Variants in TMEM161A observed in about 807,000 individuals in gnomAD.
TMEM161A encodes the protein transmembrane protein 161A.
Under a neutral mutation model 57.1 loss-of-function variants are expected in TMEM161A, and 46 were observed. The observed-to-expected ratio is 0.81, with a 90% confidence interval of 0.64 to 1.03. The LOEUF (loss-of-function observed/expected upper bound fraction) is 1.03, where lower values mean the gene tolerates loss of function less well. Ranked by LOEUF, TMEM161A falls within the 50% of genes least tolerant of loss-of-function variation. The probability of loss-of-function intolerance (pLI) is 0.00; values close to 1 mark genes in which losing one functional copy is unlikely to be tolerated. For synonymous variants in TMEM161A, 288 were observed against 279.0 expected (o/e 1.03, Z -0.32); for missense variants, 601 against 621.5 (o/e 0.97, Z 0.35).
chr19:19,125,796 A>G lies in TMEM161A; in HGVS notation c.596-3977T>C, dbSNP rs1416965059. 3.3e-5 allele frequency among the ~76,000 whole-genome samples: 5 copies of G among 149,746 alleles called. No homozygotes were observed. In the East Asian group the frequency reaches 6.3e-4, roughly 19 times the overall value. ...CTCCCAAAGTGCTGGGATTACAGGCATGAGCCACCACCCCTGGCCAGTCAT... is the reference window on the plus strand; with the variant it reads ...CTCCCAAAGTGCTGGGATTACAGGCGTGAGCCACCACCCCTGGCCAGTCAT... On this transcript the variant is annotated intron_variant, in intron 6 of 11. Coordinates refer to ENST00000162044, the MANE Select transcript of TMEM161A (RefSeq NM_017814.3).
intron 6 of TMEM161A, among the ~76,000 whole-genome samples, chr19:19,129,260 T>C (rs1698334852): frequency 6.6e-6 from 1 of 152,250 alleles, no homozygotes. Flanking sequence ...ATAATTGACA[T>C]ACACATCTTC....
At chr19:19,137,608 T>A (rs1037232422) in intron 1 of TMEM161A, among the ~76,000 whole-genome samples, 3 of 152,220 alleles carry the variant, frequency 2.0e-5, no homozygotes, top group African/African-American at 7.2e-5. Context: ...CTTCATCTCC[T>A]ACGGCGTCCT....
chr19:19,120,731 G>T, intron 11 of TMEM161A, 34 bp downstream of exon 11: 1 of 1,462,508 alleles, frequency 6.8e-7, no homozygotes. Context: ...TTCCAACTCC[G>T]CCCCTCCTCC....
At chr19:19,133,464 T>G in intron 2 of TMEM161A, 1 of 451,092 alleles carries the variant, frequency 2.2e-6, no homozygotes, top group Non-Finnish European at 3.9e-6. Context: ...GTGTGCAACT[T>G]TTCTTTTCTT....
chr19:19,132,340 G>A lies in TMEM161A; in HGVS notation c.443+12C>T. ...ACCCGCCCCACTGGCAGGGAGCAGA[G>A]AGGAAGGATACATGGAGAAGGTCAC... On this transcript the variant is annotated intron_variant, in intron 5 of 11. Transcript: ENST00000162044. The surrounding 1 kb of genome is among the most constrained non-coding windows in gnomAD (Gnocchi z 4.3). 1.2e-6 allele frequency: 2 copies of A among 1,608,930 alleles called. No homozygotes were observed. Among genetic ancestry groups the A allele is most frequent in the Non-Finnish European group, 1.7e-6 (2 of 1,177,106 alleles).
chr19:19,136,257 A>G (rs571562225), intron 1 of TMEM161A, among the ~76,000 whole-genome samples: 1 of 152,220 alleles, frequency 6.6e-6, no homozygotes, highest in Non-Finnish European at 1.5e-5. Context: ...TTTATTTAAT[A>G]GTAAAATTAA....
chr19:19,124,716 A>G (rs917340075), intron 6 of TMEM161A, among the ~76,000 whole-genome samples: 2 of 152,160 alleles, frequency 1.3e-5, no homozygotes, highest in African/African-American at 4.8e-5. Context: ...GCACTTTGAG[A>G]GGCCGAGGTG....
intron 6 of TMEM161A, among the ~76,000 whole-genome samples, chr19:19,127,512 C>T (rs187959163): frequency 5.9e-5 from 9 of 151,864 alleles, no homozygotes; most frequent in African/African-American, 9.6e-5. Flanking sequence ...TTAGTAGAGA[C>T]GGAGTTTCAC....
rs71168802 is a variant in TMEM161A at position 19,134,056 on chromosome 19, G to GTT, written c.107+726_107+727dup. Among the ~76,000 whole-genome samples the GTT allele has an allele frequency of 4.1e-3, 597 of 147,272 alleles. 5 individuals are homozygous for GTT. Among genetic ancestry groups the GTT allele is most frequent in the South Asian group, 0.014 (67 of 4,670 alleles). On this transcript the variant is annotated intron_variant, in intron 2 of 11. Coordinates refer to ENST00000162044, the MANE Select transcript of TMEM161A (RefSeq NM_017814.3). ...GGGCCTGAGCTATCATCTCTGACGT[G>GTT]TTTTTTTTTTTTGCCTTTGTTTTTG...
rs1205009815 is a variant in TMEM161A, at chr19:19,119,185, C to G, written c.*745G>C. On this transcript the variant is annotated 3_prime_UTR_variant, in exon 12 of 12. Coordinates refer to ENST00000162044, the MANE Select transcript of TMEM161A (RefSeq NM_017814.3). ...TTTTTTTTTGAGACAGAGTTTCACT[C>G]TGTCACCCAGGCTGGAGTGTGATGC... 7.1e-6 allele frequency: 1 copy of G among 140,088 alleles called. No homozygotes were observed. Among genetic ancestry groups the G allele is most frequent in the Non-Finnish European group, 1.5e-5 (1 of 65,966 alleles). The allele number at this position is 140,088 out of a possible 1,614,324, so 8.7% of individuals were successfully genotyped here.
intron 1 of TMEM161A, among the ~76,000 whole-genome samples, chr19:19,136,066 C>G (rs1216684901): frequency 6.6e-6 from 1 of 151,272 alleles, no homozygotes; most frequent in African/African-American, 2.4e-5. Context: ...TAATTCAGAA[C>G]ACATTTTCAT....
rs372682321 is a variant in TMEM161A, at chr19:19,130,268, G to A, written c.483C>T (p.Ala161=). 2.3e-4 allele frequency: 374 copies of A among 1,613,592 alleles called. No individual in the cohort carries two copies. The highest frequency in any genetic ancestry group is 2.8e-4 in the Non-Finnish European group (328 of 1,180,030). ...FLTVTRLYFS[A]EEGGERSVCL... ...AGACAGAGCGCTCACCCCCCTCCTCGGCGCTGAAGTACAGCCGTGTCACTG... is the reference window on the plus strand; with the variant it reads ...AGACAGAGCGCTCACCCCCCTCCTCAGCGCTGAAGTACAGCCGTGTCACTG... Residue 161 remains alanine, a synonymous_variant, in exon 6 of 12, where the codon GCC becomes GCT. Coordinates refer to ENST00000162044, the MANE Select transcript of TMEM161A (RefSeq NM_017814.3).
chr19:19,125,153 C>T (rs1214823858), intron 6 of TMEM161A, among the ~76,000 whole-genome samples: 1 of 151,968 alleles, frequency 6.6e-6, no homozygotes, highest in African/African-American at 2.4e-5. Context: ...CCTAGCCACA[C>T]CAAAGGGGAA....
chr19:19,128,183 T>C (rs1407224419), intron 6 of TMEM161A, among the ~76,000 whole-genome samples: 1 of 151,318 alleles, frequency 6.6e-6, no homozygotes, highest in Non-Finnish European at 1.5e-5. Flanking sequence ...GAGCAAAGAG[T>C]TGTGGAGATG....
chr19:19,125,706 C>T (rs1210049664), intron 6 of TMEM161A, among the ~76,000 whole-genome samples: 5 of 151,716 alleles, frequency 3.3e-5, no homozygotes, highest in Admixed American at 3.3e-4. Flanking sequence ...TTAGTAGAGA[C>T]GGGGTTTCAC....
chr19:19,138,304 A>G, intron 1 of TMEM161A, 122 bp downstream of exon 1: 2 of 1,413,924 alleles, frequency 1.4e-6, no homozygotes, highest in Non-Finnish European at 2.0e-6. Flanking sequence ...CGTGCCCCCG[A>G]ATCCCTCAGA....
chr19:19,132,591 C>A lies in TMEM161A; in HGVS notation c.286+66G>T, dbSNP rs2059964083. 2.5e-6 allele frequency: 4 copies of A among 1,571,132 alleles called. No individual in the cohort carries two copies. The East Asian group carries it at 6.7e-5, about 26-fold the overall frequency. ...ATTCTTCCTTCAAATCCTCCCCACC[C>A]CCATGAGGGTGTGGAGACCTTCAGG... On this transcript the variant is annotated intron_variant, in intron 4 of 11. Transcript: ENST00000162044. The surrounding 1 kb of genome is among the most constrained non-coding windows in gnomAD (Gnocchi z 4.3).
At chr19:19,133,661 A>T (rs1405273804) in intron 2 of TMEM161A, among the ~76,000 whole-genome samples, 1 of 152,018 alleles carries the variant, frequency 6.6e-6, no homozygotes, top group Non-Finnish European at 1.5e-5. Context: ...TACCAGAGAC[A>T]GGGTTTCACT....
At chr19:19,129,998 G>A (rs959800200) in intron 6 of TMEM161A, among the ~76,000 whole-genome samples, 158 bp downstream of exon 6, 1 of 152,198 alleles carries the variant, frequency 6.6e-6, no homozygotes, top group African/African-American at 2.4e-5. Context: ...GCCCAACAAG[G>A]TTCAGGAGCT....
Sources: gnomAD v4.1 joint callset for allele counts (sites outside exome capture counted in the v4.1 genomes callset) on GRCh38, gnomAD v4.1.1 for gene constraint, Gnocchi (gnomAD v3.1) non-coding constraint, MANE v1.5 for transcripts, NCBI Gene and HGNC (gene_info 2026-07-23, HGNC 2026-07-21) for gene names.